Variants in CAMTA1 observed in about 807,000 individuals in gnomAD.
CAMTA1 encodes the protein calmodulin-binding transcription activator 1.
In CAMTA1, 27 loss-of-function variants were observed where a neutral mutation model predicts 170.9. That is an observed-to-expected ratio of 0.16 (90% CI 0.12 to 0.22). CAMTA1 has a LOEUF of 0.22. Ranked by LOEUF, CAMTA1 falls within the 10% of genes least tolerant of loss-of-function variation. CAMTA1 has a pLI of 1.00. For missense variants in CAMTA1, 1,619 were observed against 2,217.2 expected (o/e 0.73, Z 5.42); for synonymous variants, 833 against 891.5 (o/e 0.93, Z 1.17).
intron 4 of CAMTA1, among the ~76,000 whole-genome samples, chr1:7,211,905 G>C (rs1032030648): frequency 2.0e-5 from 3 of 152,212 alleles, no homozygotes; most frequent in African/African-American, 7.2e-5. Flanking sequence ...GCATTGTGAT[G>C]ATACCAATTC....
chr1:7,396,185 C>G (rs557759341), intron 5 of CAMTA1, among the ~76,000 whole-genome samples: 1 of 152,150 alleles, frequency 6.6e-6, no homozygotes, highest in African/African-American at 2.4e-5. Flanking sequence ...TTAGTTCCCA[C>G]GATAGCTTGT....
chr1:7,708,197 G>GT lies in CAMTA1; in HGVS notation c.2915-24249dup, dbSNP rs2096541719. On this transcript the variant is annotated intron_variant, in intron 11 of 22. Coordinates refer to ENST00000303635, the MANE Select transcript of CAMTA1 (RefSeq NM_015215.4). ...AATACAAAAATTAGCCAGGTGTGGC[G>GT]TTGCATGCCTACAGTCCCAGCTACT... Among the ~76,000 whole-genome samples, 3 of 152,132 alleles carry GT rather than the reference G, an allele frequency of 2.0e-5. No individual in the cohort carries two copies. In the South Asian group the frequency reaches 6.2e-4, roughly 32 times the overall value.
At chr1:7,546,800 T>C (rs897142236) in intron 6 of CAMTA1, among the ~76,000 whole-genome samples, 2 of 152,192 alleles carry the variant, frequency 1.3e-5, no homozygotes, top group African/African-American at 4.8e-5. Flanking sequence ...GACGAACGTC[T>C]TATTTTGAAA....
chr1:7,591,548 T>A (rs534302089), intron 6 of CAMTA1, among the ~76,000 whole-genome samples: 34 of 152,344 alleles, frequency 2.2e-4, no homozygotes, highest in African/African-American at 7.9e-4. Flanking sequence ...CAGTTCTTCA[T>A]TGTTTAAGCA....
At position 7,744,986 on chromosome 1, in the gene CAMTA1, C is replaced by T. The variant is rs376094031; in HGVS notation, c.4334C>T (p.Ala1445Val). 10 of 1,613,740 alleles carry T rather than the reference C, an allele frequency of 6.2e-6. No homozygotes were observed. Among genetic ancestry groups the T allele is most frequent in the Admixed American group, 1.7e-5 (1 of 59,986 alleles). ...STMSWLASYLADADCLPSAAQ... is the reference protein window; with the variant it reads ...STMSWLASYLVDADCLPSAAQ... ...ATGAGCTGGCTGGCCAGTTATCTAG[C>T]GGATGCTGACTGCCTTCCCAGTGCT... The change falls in exon 17 of 23, where the codon GCG becomes GTG. Residue 1445 changes from alanine to valine, a missense_variant. Transcript: ENST00000303635.
chr1:6,999,093 T>C (rs1054582315), intron 3 of CAMTA1, among the ~76,000 whole-genome samples: 2 of 152,196 alleles, frequency 1.3e-5, no homozygotes, highest in African/African-American at 4.8e-5. Context: ...AGCCAGCGTT[T>C]CCAGTGGCTT....
intron 4 of CAMTA1, among the ~76,000 whole-genome samples, chr1:7,167,602 T>C (rs915421378): frequency 6.6e-6 from 1 of 152,226 alleles, no homozygotes; most frequent in Non-Finnish European, 1.5e-5. Flanking sequence ...CTTTGCTGTT[T>C]CATGAACATT....
chr1:7,501,839 C>T (rs1328309440), intron 6 of CAMTA1, among the ~76,000 whole-genome samples: 1 of 152,118 alleles, frequency 6.6e-6, no homozygotes, highest in African/African-American at 2.4e-5. Flanking sequence ...CATAGACACC[C>T]ACTGGGATCC....
intron 5 of CAMTA1, among the ~76,000 whole-genome samples, chr1:7,304,293 G>A (rs1016470207): frequency 1.3e-5 from 2 of 152,164 alleles, no homozygotes; most frequent in East Asian, 1.9e-4. Context: ...TAGAACGAAT[G>A]CACAATGTTT....
rs146213223 is a variant in CAMTA1 at position 7,476,068 on chromosome 1, C to G, written c.510+8167C>G. ...ACCCCAAGTTTCCCCTGCCCTGGCC[C>G]TTGGCGTCCCTGTGAGGCTGGGGTC... is the stretch of plus-strand genomic sequence containing the variant. On this transcript the variant is annotated intron_variant, in intron 6 of 22. Transcript: ENST00000303635. Among the ~76,000 whole-genome samples the G allele has an allele frequency of 6.1e-4, 93 of 152,364 alleles. No individual in the cohort carries two copies. The East Asian group carries it at 0.015, about 25-fold the overall frequency.
At chr1:7,009,459 A>G (rs1265779458) in intron 3 of CAMTA1, among the ~76,000 whole-genome samples, 1 of 152,156 alleles carries the variant, frequency 6.6e-6, no homozygotes, top group Non-Finnish European at 1.5e-5. Context: ...TCTGTGCTGC[A>G]GTGTCCCTGT....
In CAMTA1 at chr1:7,186,839, A is replaced by G. The variant is rs907787342; in HGVS notation, c.303-62652A>G. Among the ~76,000 whole-genome samples, 7 of 152,344 alleles carry G rather than the reference A, an allele frequency of 4.6e-5. No individual in the cohort carries two copies. In the South Asian group the frequency reaches 6.2e-4, roughly 14 times the overall value. ...GAAATATACACCACGCTGGCAGTGT[A>G]GAGAAACGTGCACAACCAGGTAAAT... On this transcript the variant is annotated intron_variant, in intron 4 of 22. Transcript: ENST00000303635.
intron 4 of CAMTA1, among the ~76,000 whole-genome samples, chr1:7,140,946 C>T (rs1034981712): frequency 3.3e-5 from 5 of 152,180 alleles, no homozygotes; most frequent in Non-Finnish European, 7.3e-5. Flanking sequence ...ACCATCCCCA[C>T]TCTCTGCTAC....
chr1:7,194,765 C>T (rs960087765), intron 4 of CAMTA1, among the ~76,000 whole-genome samples: 7 of 152,140 alleles, frequency 4.6e-5, no homozygotes, highest in Admixed American at 4.6e-4. Flanking sequence ...CCAGTATGAC[C>T]CTCCTTCCCT....
chr1:7,596,090 G>C (rs917047466), intron 6 of CAMTA1, among the ~76,000 whole-genome samples: 2 of 152,226 alleles, frequency 1.3e-5, no homozygotes, highest in Admixed American at 6.5e-5. Context: ...AAGATGGGTG[G>C]AAAGTCAGGG....
At chr1:7,294,485 G>A (rs1673634230) in intron 5 of CAMTA1, among the ~76,000 whole-genome samples, 2 of 152,330 alleles carry the variant, frequency 1.3e-5, no homozygotes, top group South Asian at 4.1e-4. Context: ...GGGGACAGGT[G>A]ATCTTGGCCA....
At chr1:6,981,339 C>T (rs1694406164) in intron 3 of CAMTA1, among the ~76,000 whole-genome samples, 1 of 151,826 alleles carries the variant, frequency 6.6e-6, no homozygotes, top group South Asian at 2.1e-4. Context: ...ATGGTAATTG[C>T]CCCACATTTA....
At chr1:7,548,789 T>A (rs1346578863) in intron 6 of CAMTA1, among the ~76,000 whole-genome samples, 1 of 89,144 alleles carries the variant, frequency 1.1e-5, no homozygotes, top group Admixed American at 1.1e-4. Context: ...GAGGTGTCCC[T>A]TAGGGGCGGA....
At chr1:7,479,888 C>T (rs1349658380) in intron 6 of CAMTA1, among the ~76,000 whole-genome samples, 3 of 152,084 alleles carry the variant, frequency 2.0e-5, no homozygotes, top group Non-Finnish European at 4.4e-5. Context: ...TGTTCTGCAC[C>T]CCTAGAAGAT....
Sources: allele counts gnomAD v4.1 joint callset (sites outside exome capture counted in the v4.1 genomes callset), GRCh38; gene constraint gnomAD v4.1.1; transcripts MANE v1.5; gene names NCBI Gene and HGNC (gene_info 2026-07-23, HGNC 2026-07-21).